The following GLDC variants were observed in gnomAD, a reference collection of about 807,000 sequenced individuals.
GLDC encodes the protein glycine decarboxylase, also known as glycine dehydrogenase (decarboxylating), mitochondrial.
In GLDC, 104 loss-of-function variants were observed where a neutral mutation model predicts 121.3. That is an observed-to-expected ratio of 0.86 (90% CI 0.73 to 1.01). The LOEUF (loss-of-function observed/expected upper bound fraction) is 1.01, where lower values mean the gene tolerates loss of function less well. GLDC is among the 50% of genes least tolerant of loss of function. The probability of loss-of-function intolerance (pLI) is 0.00; values close to 1 mark genes in which losing one functional copy is unlikely to be tolerated. For missense variants in GLDC, 1,429 were observed against 1,306.6 expected, an observed-to-expected ratio of 1.09 and a Z score of -1.44; for synonymous variants, 546 against 480.6, an observed-to-expected ratio of 1.14 and a Z score of -1.78.
At position 6,610,245 on chromosome 9, in the gene GLDC, T is replaced by G. The variant is rs1587964992; in HGVS notation, c.582A>C (p.Ala194=). ...CDITGLDMAN[A]SLLDEGTAAA... is the part of the protein sequence containing the mutation. Reference sequence around the variant, plus strand: ...CTGCAGTCCCCTCATCCAGCAGGGATGCATTGGCCATGTCCAGGCCTGTGA... The same window carrying G: ...CTGCAGTCCCCTCATCCAGCAGGGAGGCATTGGCCATGTCCAGGCCTGTGA... The change falls in exon 4 of 25, where the codon GCA becomes GCC. Residue 194 remains alanine (A), a synonymous_variant. Transcript: ENST00000321612. 1 of 1,614,000 alleles carries G rather than the reference T, an allele frequency of 6.2e-7. No homozygotes were observed. The highest frequency in any genetic ancestry group is 8.5e-7 in the Non-Finnish European group (1 of 1,179,948).
chr9:6,620,022 A>T (rs1204546851), intron 3 of GLDC, among the ~76,000 whole-genome samples, 162 bp downstream of exon 3: 2 of 152,302 alleles, frequency 1.3e-5, no homozygotes, highest in Non-Finnish European at 2.9e-5. Flanking sequence ...GAGCAAGAAC[A>T]TTTCTCGATC....
chr9:6,589,799 G>C (rs139037047), intron 11 of GLDC, among the ~76,000 whole-genome samples: 2,260 of 152,154 alleles, frequency 0.015, 48 homozygotes, highest in African/African-American at 0.052. Context: ...GCTCACACCT[G>C]TAATCCCAGC....
chr9:6,631,464 T>C (rs1819376082), intron 2 of GLDC, among the ~76,000 whole-genome samples: 1 of 152,246 alleles, frequency 6.6e-6, no homozygotes, highest in Non-Finnish European at 1.5e-5. Context: ...TTTTACTCCT[T>C]GAACTTGGAT....
At chr9:6,534,997 A>G (rs1817092583) in intron 23 of GLDC, among the ~76,000 whole-genome samples, 1 of 152,226 alleles carries the variant, frequency 6.6e-6, no homozygotes, top group Non-Finnish European at 1.5e-5. Flanking sequence ...TCCACCACCC[A>G]GTAAAGTCTA....
At chr9:6,540,229 A>T in intron 21 of GLDC, 83 bp from the exon 22 acceptor site, 1 of 906,672 alleles carries the variant, frequency 1.1e-6, no homozygotes, top group Non-Finnish European at 1.9e-6. Flanking sequence ...TTTAATAAAT[A>T]AGTGCATCAG....
intron 18 of GLDC, among the ~76,000 whole-genome samples, chr9:6,555,091 T>C (rs1001234534): frequency 6.6e-6 from 1 of 152,204 alleles, no homozygotes; most frequent in South Asian, 2.1e-4. Flanking sequence ...GGGAGAGAAG[T>C]GTCTCTAACA....
At chr9:6,584,398 T>C (rs1818227206) in intron 15 of GLDC, among the ~76,000 whole-genome samples, 1 of 152,212 alleles carries the variant, frequency 6.6e-6, no homozygotes, top group Admixed American at 6.5e-5. Flanking sequence ...CCCCTAGATT[T>C]CACTGGACTC....
At chr9:6,603,649 CA>C (rs1180390830) in intron 7 of GLDC, among the ~76,000 whole-genome samples, 2 of 151,852 alleles carry the variant, frequency 1.3e-5, no homozygotes, top group African/African-American at 4.8e-5. Context: ...TATCAAAGGT[CA>C]AAAACATAAT....
rs1324189699 is a variant in GLDC at position 6,558,563 on chromosome 9, G to C, written c.2048C>G (p.Ala683Gly). The change falls in exon 17 of 25, where the codon GCC (alanine) becomes GGC (glycine). Residue 683 changes from alanine to glycine, a missense_variant. By Grantham distance (60) the Ala-to-Gly change is moderately conservative (BLOSUM62 0). Transcript: ENST00000321612. Reference sequence around the variant, plus strand: ...TGCTAAGGAGAAGACAAGTACCATGGCCTTGAGGTGAACTGCATCGATATT... The same window carrying C: ...TGCTAAGGAGAAGACAAGTACCATGCCCTTGAGGTGAACTGCATCGATATT... ...YGNIDAVHLK[A>G]MVDKHKENLA... 4 of 1,614,052 alleles carry C rather than the reference G, an allele frequency of 2.5e-6. No homozygotes were observed. In the African/African-American group the frequency reaches 4.0e-5, roughly 16 times the overall value.
At chr9:6,630,948 G>A (rs1484817993) in intron 2 of GLDC, among the ~76,000 whole-genome samples, 1 of 152,202 alleles carries the variant, frequency 6.6e-6, no homozygotes. Context: ...GGGCAGAGGA[G>A]GGTTTCACTA....
At position 6,605,190 on chromosome 9, in the gene GLDC, C is replaced by A; in HGVS notation, c.802G>T (p.Asp268Tyr). 1 of 1,613,774 alleles carries A rather than the reference C, an allele frequency of 6.2e-7. No individual in the cohort carries two copies. The highest frequency in any genetic ancestry group is 8.5e-7 in the Non-Finnish European group (1 of 1,179,836). Residue 268 changes from aspartate (D) to tyrosine (Y), a missense_variant, in exon 6 of 25, where the codon GAC becomes TAC. Physicochemically the swap from Asp to Tyr is radical, Grantham distance 160. Coordinates refer to ENST00000321612, the MANE Select transcript of GLDC (RefSeq NM_000170.3). ...AAGTCTTCCACCTTCCCCTCCGTGT[C>A]TGGGTACTGGAACAACACTCCACTG... The part of the protein sequence containing the change: ...DVSGVLFQYP[D>Y]TEGKVEDFTE...
chr9:6,546,131 A>G (rs1377645875), intron 21 of GLDC, among the ~76,000 whole-genome samples: 6 of 152,074 alleles, frequency 3.9e-5, no homozygotes, highest in African/African-American at 1.4e-4. Context: ...AAACTAAGAC[A>G]CAAACACACA....
chr9:6,587,300 C>T lies in GLDC; in HGVS notation c.1708-17G>A, dbSNP rs776678449. On this transcript the variant is annotated splice_polypyrimidine_tract_variant and intron_variant, in intron 14 of 24. Transcript: ENST00000321612. ...TGTGATAGGCTGAAAAGAAAGAAAA[C>T]AAAAATGCATATATACATATTATAA... 1 of 1,588,498 alleles carries T rather than the reference C, an allele frequency of 6.3e-7. No homozygotes were observed. Among genetic ancestry groups the T allele is most frequent in the East Asian group, 2.2e-5 (1 of 44,748 alleles).
chr9:6,554,730 G>C lies in GLDC; in HGVS notation c.2254C>G (p.Leu752Val). 1 of 1,613,518 alleles carries C rather than the reference G, an allele frequency of 6.2e-7. No homozygotes were observed. The highest frequency in any genetic ancestry group is 8.5e-7 in the Non-Finnish European group (1 of 1,179,988). ...TGGGGAATGCAGAAGGTCTTGTGAA[G>C]ATTTAGGTGCGAGACATCAGACCCG... ...DFGSDVSHLN[L>V]HKTFCIPHGG... Residue 752 changes from leucine to valine, a missense_variant, in exon 19 of 25, where the codon CTT becomes GTT. Leu to Val is a conservative substitution (Grantham distance 32). Transcript: ENST00000321612.
intron 21 of GLDC, among the ~76,000 whole-genome samples, chr9:6,545,509 G>T (rs1001999579): frequency 1.3e-5 from 2 of 152,198 alleles, no homozygotes; most frequent in African/African-American, 4.8e-5. Flanking sequence ...CAGTGAGTGA[G>T]TGGTGAGTGA....
chr9:6,604,821 A>G, intron 6 of GLDC, 37 bp from the exon 7 acceptor site: 1 of 1,541,206 alleles, frequency 6.5e-7, no homozygotes, highest in Non-Finnish European at 9.0e-7. Flanking sequence ...CAAGGTTGCT[A>G]CCTTTCCCTG....
intron 7 of GLDC, 27 bp downstream of exon 7, chr9:6,604,561 A>G: frequency 6.4e-7 from 1 of 1,574,450 alleles, no homozygotes; most frequent in South Asian, 1.1e-5. Flanking sequence ...AATCACAATA[A>G]AAGTAGAGAA....
At chr9:6,609,785 C>T (rs1261071053) in intron 4 of GLDC, among the ~76,000 whole-genome samples, 1 of 152,122 alleles carries the variant, frequency 6.6e-6, no homozygotes, top group Non-Finnish European at 1.5e-5. Flanking sequence ...ACCCTGTCCC[C>T]TGAACAACCC....
chr9:6,602,859 T>C (rs1818645161), intron 7 of GLDC, among the ~76,000 whole-genome samples: 1 of 152,160 alleles, frequency 6.6e-6, no homozygotes, highest in Non-Finnish European at 1.5e-5. Context: ...CTGTGGATTC[T>C]ACACCACAGA....
Sources: allele counts gnomAD v4.1 joint callset (sites outside exome capture counted in the v4.1 genomes callset), GRCh38; gene constraint gnomAD v4.1.1; transcripts MANE v1.5; gene names NCBI Gene and HGNC (gene_info 2026-07-23, HGNC 2026-07-21).